PCDHGB7: variants seen among roughly 807,000 people sequenced by gnomAD.
The protein encoded by PCDHGB7 is protocadherin gamma-B7.
PCDHGB7 carries 37 observed loss-of-function variants against 61.4 expected under a neutral mutation model. The ratio of observed to expected loss-of-function variants is 0.60; its 90% CI spans 0.46 to 0.79. The LOEUF (loss-of-function observed/expected upper bound fraction) is 0.79. Among genes scored for constraint, PCDHGB7 ranks in the 30% least tolerant of loss-of-function variants. The pLI, the probability that PCDHGB7 is intolerant of heterozygous loss-of-function variation, is 0.00. For missense variants in PCDHGB7, 1,166 were observed against 1,202.5 expected (o/e 0.97, Z 0.45); for synonymous variants, 464 against 503.5 (o/e 0.92, Z 1.05).
chr5:141,429,377 G>T (rs1029180912), intron 1 of PCDHGB7, among the ~76,000 whole-genome samples: 1 of 149,434 alleles, frequency 6.7e-6, no homozygotes, highest in African/African-American at 2.5e-5. Context: ...GAGAAAATGT[G>T]TTTTTTTTTT....
intron 1 of PCDHGB7, among the ~76,000 whole-genome samples, chr5:141,471,118 A>G (rs58897068): frequency 0.11 from 15,938 of 141,604 alleles, 871 homozygotes; most frequent in South Asian, 0.16. Flanking sequence ...GTGCGATCTT[A>G]CCTTCACTGC....
At chr5:141,480,240 CAAA>C (rs11374694) in intron 1 of PCDHGB7, among the ~76,000 whole-genome samples, 1 of 114,046 alleles carries the variant, frequency 8.8e-6, no homozygotes, top group African/African-American at 3.3e-5. Flanking sequence ...CCTGTCTCTA[CAAA>C]AAAAAAAAAA....
In PCDHGB7 at chr5:141,419,065, C is replaced by G. The variant is rs763008753; in HGVS notation, c.1206C>G (p.Tyr402Ter). ...FKIHSSSNNY[Y>*]KLVTDEALDR... ...TTCATTCTTCTTCTAATAATTACTACAAGCTAGTAACAGATGAGGCCCTGG... is the reference window on the plus strand; with the variant it reads ...TTCATTCTTCTTCTAATAATTACTAGAAGCTAGTAACAGATGAGGCCCTGG... Residue 402 changes from tyrosine to a stop codon, truncating the protein, a stop_gained, in exon 1 of 4, where the codon TAC (tyrosine) becomes TAG (stop). Coordinates refer to ENST00000398594, the MANE Select transcript of PCDHGB7 (RefSeq NM_018927.4). LOFTEE classifies it high-confidence loss of function. The G allele has an allele frequency of 1.2e-6, 2 of 1,613,786 alleles. No individual in the cohort carries two copies. Among genetic ancestry groups the G allele is most frequent in the South Asian group, 2.2e-5 (2 of 91,092 alleles).
At chr5:141,454,087 T>A (rs1251936767) in intron 1 of PCDHGB7, among the ~76,000 whole-genome samples, 4 of 152,198 alleles carry the variant, frequency 2.6e-5, no homozygotes, top group Non-Finnish European at 5.9e-5. Context: ...TCAGTGAAAT[T>A]TGAATTGAAC....
At position 141,485,331 on chromosome 5, in the gene PCDHGB7, T is replaced by G; in HGVS notation, c.2416-9476T>G. 6.2e-7 allele frequency: 1 copy of G among 1,614,166 alleles called. No individual in the cohort carries two copies. Among genetic ancestry groups the G allele is most frequent in the Admixed American group, 1.7e-5 (1 of 60,022 alleles). Reference sequence around the variant, plus strand: ...GTAGGGAATGTCGCTCAAGATTTCCTGCTGGATACGGACAGTCTGTCAGCT... The same window carrying G: ...GTAGGGAATGTCGCTCAAGATTTCCGGCTGGATACGGACAGTCTGTCAGCT... On this transcript the variant is annotated intron_variant, in intron 1 of 3. Coordinates refer to ENST00000398594, the MANE Select transcript of PCDHGB7 (RefSeq NM_018927.4). The surrounding 1 kb of genome is among the most constrained non-coding windows in gnomAD (Gnocchi z 5.7).
intron 1 of PCDHGB7, among the ~76,000 whole-genome samples, chr5:141,480,274 G>A (rs111260319): frequency 6.6e-6 from 1 of 152,036 alleles, no homozygotes; most frequent in Non-Finnish European, 1.5e-5. Context: ...CATTAGCTGG[G>A]TGTGTTGGCA....
chr5:141,460,097 G>A (rs2098982102), intron 1 of PCDHGB7, among the ~76,000 whole-genome samples: 2 of 151,812 alleles, frequency 1.3e-5, no homozygotes, highest in African/African-American at 2.4e-5. Context: ...AATTATACAT[G>A]TAATTATATA....
intron 1 of PCDHGB7, among the ~76,000 whole-genome samples, chr5:141,471,163 G>GC (rs202115056): frequency 0.11 from 16,237 of 150,562 alleles, 892 homozygotes; most frequent in South Asian, 0.15. Context: ...GATTCTCCTG[G>GC]CTCAGCCTCC....
rs759737266 is a variant in PCDHGB7 at position 141,489,464 on chromosome 5, T to A, written c.2416-5343T>A. 5 of 1,614,030 alleles carry A rather than the reference T, an allele frequency of 3.1e-6. No homozygotes were observed. In the South Asian group the frequency reaches 3.3e-5, roughly 11 times the overall value. On this transcript the variant is annotated intron_variant, in intron 1 of 3. Transcript: ENST00000398594. The surrounding 1 kb of genome is among the most constrained non-coding windows in gnomAD (Gnocchi z 4.5). ...GGCTCTGAGGAGAATGGGCGCTATT[T>A]TTCCCTGAGCTTGATGAGTGGTGCC...
chr5:141,461,213 T>C (rs1457474925), intron 1 of PCDHGB7, among the ~76,000 whole-genome samples: 1 of 152,168 alleles, frequency 6.6e-6, no homozygotes, highest in African/African-American at 2.4e-5. Flanking sequence ...AGAATCTCCA[T>C]ACTGTTTTCC....
At chr5:141,510,653 T>G (rs1388568365) in intron 3 of PCDHGB7, among the ~76,000 whole-genome samples, 1 of 152,184 alleles carries the variant, frequency 6.6e-6, no homozygotes, top group Non-Finnish European at 1.5e-5. Context: ...ATCCCCATTT[T>G]GCAGATGAGA....
At chr5:141,478,163 C>T (rs779617960) in intron 1 of PCDHGB7, 1 of 1,614,028 alleles carries the variant, frequency 6.2e-7, no homozygotes, top group Non-Finnish European at 8.5e-7. Context: ...TGGCTCTGCC[C>T]CCCGGGAGCA....
Position 141,490,151 on chromosome 5 carries a change from T to A in PCDHGB7, c.2416-4656T>A, listed in dbSNP as rs1449636059. 6.2e-6 allele frequency: 10 copies of A among 1,614,210 alleles called. No homozygotes were observed. The highest frequency in any genetic ancestry group is 8.5e-6 in the Non-Finnish European group (10 of 1,180,018). On this transcript the variant is annotated intron_variant, in intron 1 of 3. Transcript: ENST00000398594. This position sits in a 1 kb window ranked among gnomAD's most constrained non-coding sequence, Gnocchi z 5.4. ...GACCCTAGCAGTGGGGCAATCCATG[T>A]GTTGGGTCCCATAGACTTTGAGGAG... is the stretch of plus-strand genomic sequence containing the variant.
At chr5:141,482,513 A>C (rs552094845) in intron 1 of PCDHGB7, among the ~76,000 whole-genome samples, 1 of 143,798 alleles carries the variant, frequency 7.0e-6, no homozygotes, top group East Asian at 2.1e-4. Flanking sequence ...CCCAGAGTAC[A>C]GTATGAGACA....
At chr5:141,452,948 G>A (rs2098752873) in intron 1 of PCDHGB7, among the ~76,000 whole-genome samples, 1 of 152,134 alleles carries the variant, frequency 6.6e-6, no homozygotes, top group African/African-American at 2.4e-5. Context: ...CTTGCAATTG[G>A]TTGTCTTTAA....
In PCDHGB7 at chr5:141,419,715, T is replaced by A; in HGVS notation, c.1856T>A (p.Leu619Gln). Residue 619 changes from leucine to glutamine, a missense_variant, in exon 1 of 4, where the codon CTG (leucine) becomes CAG (glutamine). Transcript: ENST00000398594. ...GCCAGTGAGCCCGGGCTCTTCAGCC[T>A]GGGGCTGCGAACAGGCGAGGTGCGC... ...VQASEPGLFS[L>Q]GLRTGEVRMV... 5 of 1,613,288 alleles carry A rather than the reference T, an allele frequency of 3.1e-6. No individual in the cohort carries two copies. Among genetic ancestry groups the A allele is most frequent in the Non-Finnish European group, 4.2e-6 (5 of 1,179,602 alleles).
rs774546487 is a variant in PCDHGB7 at position 141,418,891 on chromosome 5, C to G, written c.1032C>G (p.Ser344Arg). The G allele has an allele frequency of 2.5e-6, 4 of 1,613,842 alleles. No homozygotes were observed. The highest frequency in any genetic ancestry group is 2.2e-5 in the East Asian group (1 of 44,884). Residue 344 changes from serine to arginine, a missense_variant, in exon 1 of 4, where the codon AGC becomes AGG. By Grantham distance (110) the Ser-to-Arg change is moderately radical. Coordinates refer to ENST00000398594, the MANE Select transcript of PCDHGB7 (RefSeq NM_018927.4). ...AAGTTGTAGACGAAAACGACAACAG[C>G]CCAGAAATAATCATCACGTCACTCT... ...IVEVVDENDNSPEIIITSLSD... is the reference protein window; with the variant it reads ...IVEVVDENDNRPEIIITSLSD...
Position 141,464,048 on chromosome 5 carries a change from T to G in PCDHGB7, c.2416-30759T>G, listed in dbSNP as rs377735829. Reference sequence around the variant, plus strand: ...GGGAGGCCAAGGCGGGTGGATCACCTGAGGTCAGGAGTTCAAGGCCAGCCT... The same window carrying G: ...GGGAGGCCAAGGCGGGTGGATCACCGGAGGTCAGGAGTTCAAGGCCAGCCT... On this transcript the variant is annotated intron_variant, in intron 1 of 3. Transcript: ENST00000398594. 1.2e-4 allele frequency among the ~76,000 whole-genome samples: 18 copies of G among 152,260 alleles called. No individual in the cohort carries two copies. In the East Asian group the frequency reaches 3.5e-3, roughly 29 times the overall value.
rs143083513 is a variant in PCDHGB7 at position 141,431,088 on chromosome 5, T to C, written c.2415+10814T>C. On this transcript the variant is annotated intron_variant, in intron 1 of 3. Coordinates refer to ENST00000398594, the MANE Select transcript of PCDHGB7 (RefSeq NM_018927.4). This position sits in a 1 kb window ranked among gnomAD's most constrained non-coding sequence, Gnocchi z 4.8. The stretch of plus-strand genomic sequence containing the variant: ...TGTCAATTAAATCTAGACATTCTGA[T>C]GGAGGATAAAGTGAAAATATATGGA... 106 of 1,614,180 alleles carry C rather than the reference T, an allele frequency of 6.6e-5. 1 individual carries two copies. The highest frequency in any genetic ancestry group is 3.1e-4 in the East Asian group (14 of 44,890).
Sources: gnomAD v4.1 joint callset for allele counts (sites outside exome capture counted in the v4.1 genomes callset) on GRCh38, gnomAD v4.1.1 for gene constraint, Gnocchi (gnomAD v3.1) non-coding constraint, MANE v1.5 for transcripts, NCBI Gene and HGNC (gene_info 2026-07-23, HGNC 2026-07-21) for gene names.